The following ZNF33B variants were observed in gnomAD, a reference collection of about 807,000 sequenced individuals.
ZNF33B encodes zinc finger protein 11b (KOX 2).
In ZNF33B, 29 loss-of-function variants were observed where a neutral mutation model predicts 45.8. That is an observed-to-expected ratio of 0.63 (90% CI 0.47 to 0.86). The LOEUF (loss-of-function observed/expected upper bound fraction) is 0.86. ZNF33B is among the 40% of genes least tolerant of loss of function. ZNF33B has a pLI of 0.00. For missense variants in ZNF33B, 831 were observed against 909.9 expected (o/e 0.91, Z 1.12); for synonymous variants, 305 against 307.8 (o/e 0.99, Z 0.10).
At chr10:42,615,931 A>T (rs1838294517) in intron 4 of ZNF33B, among the ~76,000 whole-genome samples, 1 of 151,804 alleles carries the variant, frequency 6.6e-6, no homozygotes, top group African/African-American at 2.4e-5. Flanking sequence ...GCCTCAAAAA[A>T]ACAATTGTCG....
At chr10:42,635,369 G>A (rs979639003) in intron 2 of ZNF33B, among the ~76,000 whole-genome samples, 24 of 152,104 alleles carry the variant, frequency 1.6e-4, no homozygotes, top group African/African-American at 5.8e-4. Context: ...GCAGGGAGGT[G>A]TCAGGATTGT....
chr10:42,584,802 T>C (rs143574872), downstream of ZNF33B, among the ~76,000 whole-genome samples: 22 of 152,342 alleles, frequency 1.4e-4, no homozygotes, highest in East Asian at 3.9e-3. Context: ...ACTACAGGCG[T>C]GAGCCATTGT....
intron 4 of ZNF33B, among the ~76,000 whole-genome samples, chr10:42,626,217 C>T (rs1838800603): frequency 1.3e-5 from 2 of 152,134 alleles, no homozygotes; most frequent in Admixed American, 1.3e-4. Context: ...GCTTGTATAA[C>T]TCAAGTAAAT....
intron 2 of ZNF33B, among the ~76,000 whole-genome samples, chr10:42,635,312 T>G (rs1035422982): frequency 6.6e-6 from 1 of 151,658 alleles, no homozygotes; most frequent in African/African-American, 2.4e-5. Flanking sequence ...TCACAATTAG[T>G]CAACTCTGCC....
At chr10:42,629,464 T>C (rs1161653427) in intron 4 of ZNF33B, among the ~76,000 whole-genome samples, 1 of 152,220 alleles carries the variant, frequency 6.6e-6, no homozygotes, top group African/African-American at 2.4e-5. Context: ...GGATTGTTTA[T>C]AACACAAAAG....
In ZNF33B at chr10:42,636,974, T is replaced by A; in HGVS notation, c.-44-2A>T. On this transcript the variant is annotated splice_acceptor_variant, in intron 1 of 4. Transcript: ENST00000359467. LOFTEE classifies it low-confidence loss of function (5UTR_SPLICE). ...ACGGAGACAACTCTGAAGATACAGC[T>A]GAGTTGGAAAAAGAGGAATGGGGTC... 6.2e-7 allele frequency: 1 copy of A among 1,613,690 alleles called. No homozygotes were observed. Among genetic ancestry groups the A allele is most frequent in the African/African-American group, 1.3e-5 (1 of 75,010 alleles).
intron 1 of ZNF33B, among the ~76,000 whole-genome samples, chr10:42,575,377 A>G (rs10900250): frequency 0.071 from 10,867 of 152,162 alleles, 1,014 homozygotes; most frequent in African/African-American, 0.21. Flanking sequence ...AGCCTGGAAG[A>G]AGGACAGGTT....
intron 4 of ZNF33B, among the ~76,000 whole-genome samples, chr10:42,631,365 C>G (rs1248527815): frequency 2.0e-5 from 3 of 152,068 alleles, no homozygotes; most frequent in Non-Finnish European, 4.4e-5. Context: ...GCCACCACGC[C>G]CAGCTAATTT....
chr10:42,622,374 G>C (rs116399087), intron 4 of ZNF33B, among the ~76,000 whole-genome samples: 2,586 of 152,158 alleles, frequency 0.017, 79 homozygotes, highest in African/African-American at 0.059. Context: ...CCTGAATAGC[G>C]AAAACAATTT....
chr10:42,574,419 G>A (rs1216103316), exon 2 of ZNF33B: 9 of 152,146 alleles, frequency 5.9e-5, no homozygotes, highest in Non-Finnish European at 1.0e-4. Context: ...CCGGCTAAGA[G>A]CAGCCTATCA....
intron 4 of ZNF33B, among the ~76,000 whole-genome samples, chr10:42,610,401 G>T (rs1260533764): frequency 6.6e-6 from 1 of 152,206 alleles, no homozygotes; most frequent in Non-Finnish European, 1.5e-5. Flanking sequence ...AGCCAGGCAT[G>T]ATGGCATGTG....
chr10:42,583,525 G>A (rs1147917), intron 1 of ZNF33B: 61,308 of 224,382 alleles, frequency 0.27, 10,363 homozygotes, highest in Non-Finnish European at 0.36. Flanking sequence ...TGTCTTATTC[G>A]TCTTATGTCA....
intron 4 of ZNF33B, among the ~76,000 whole-genome samples, chr10:42,603,221 T>C (rs924681692): frequency 6.6e-6 from 1 of 152,118 alleles, no homozygotes; most frequent in African/African-American, 2.4e-5. Flanking sequence ...AGATCCCGAA[T>C]AATGGAGCAG....
chr10:42,620,716 G>A (rs1352802889), intron 4 of ZNF33B, among the ~76,000 whole-genome samples: 2 of 151,790 alleles, frequency 1.3e-5, no homozygotes, highest in East Asian at 3.9e-4. Flanking sequence ...TTTAAAATAT[G>A]ATCAAACTAC....
At position 42,589,897 on chromosome 10, in the gene ZNF33B, G is replaced by A. The variant is rs1272053366; in HGVS notation, c.*2716C>T. ...GATCTTAGTAGGAAAGCATTTAGTT[G>A]GAAACATCAAGGATGATGCTAGATG... is the stretch of plus-strand genomic sequence containing the variant. On this transcript the variant is annotated 3_prime_UTR_variant, in exon 5 of 5. Coordinates refer to ENST00000359467, the MANE Select transcript of ZNF33B (RefSeq NM_006955.3). 6.6e-6 allele frequency: 1 copy of A among 152,144 alleles called. No individual in the cohort carries two copies. Among genetic ancestry groups the A allele is most frequent in the Non-Finnish European group, 1.5e-5 (1 of 68,034 alleles). The allele number at this position is 152,144 out of a possible 1,614,324, so 9.4% of individuals were successfully genotyped here. A position where few individuals can be genotyped will look rare whatever the true frequency, so the allele number is the denominator to read the frequency against.
In ZNF33B at chr10:42,589,804, G is replaced by A. The variant is rs187890851; in HGVS notation, c.*2809C>T. 3 of 151,308 alleles carry A rather than the reference G, an allele frequency of 2.0e-5. No individual in the cohort carries two copies. The highest frequency in any genetic ancestry group is 7.3e-5 in the African/African-American group (3 of 41,118). 9.4% of individuals were successfully genotyped at this position (151,308 alleles called of 1,614,324 possible). On this transcript the variant is annotated 3_prime_UTR_variant, in exon 5 of 5. Transcript: ENST00000359467. ...GTGCATTTTATTTCCTTTTTTTTTGGTATCACTGCATTAGATAGCACTTCC... is the reference window on the plus strand; with the variant it reads ...GTGCATTTTATTTCCTTTTTTTTTGATATCACTGCATTAGATAGCACTTCC...
At chr10:42,583,991 C>A (rs1411937371) in intron 1 of ZNF33B, among the ~76,000 whole-genome samples, 1 of 152,182 alleles carries the variant, frequency 6.6e-6, no homozygotes, top group Non-Finnish European at 1.5e-5. Context: ...GCACAGCAAC[C>A]TGTGCATTGC....
chr10:42,628,348 T>A (rs1357611400), intron 4 of ZNF33B, among the ~76,000 whole-genome samples: 1 of 152,304 alleles, frequency 6.6e-6, no homozygotes, highest in Admixed American at 6.5e-5. Flanking sequence ...GATGCTTCAG[T>A]CCTGTTGGCT....
rs1455705473 is a variant in ZNF33B, at chr10:42,590,582, C to T, written c.*2031G>A. On this transcript the variant is annotated 3_prime_UTR_variant, in exon 5 of 5. Transcript: ENST00000359467. ...TGTATTTTTAGCCACCGCGCCTGGT[C>T]TTGGAAGGTTATTAATTACTGCTTC... 1.3e-5 allele frequency: 2 copies of T among 152,078 alleles called. No homozygotes were observed. The highest frequency in any genetic ancestry group is 2.9e-5 in the Non-Finnish European group (2 of 68,018). 9.4% of individuals were successfully genotyped at this position (152,078 alleles called of 1,614,324 possible).
Sources: allele counts gnomAD v4.1 joint callset (sites outside exome capture counted in the v4.1 genomes callset), GRCh38; gene constraint gnomAD v4.1.1; transcripts MANE v1.5; gene names NCBI Gene and HGNC (gene_info 2026-07-23, HGNC 2026-07-21).